Variants in TSPEAR observed in about 807,000 individuals in gnomAD.
TSPEAR encodes thrombospondin type laminin G domain and EAR repeats.
Under a neutral mutation model 71.6 loss-of-function variants are expected in TSPEAR, and 69 were observed. The ratio of observed to expected loss-of-function variants is 0.96; its 90% CI spans 0.79 to 1.18. The LOEUF (loss-of-function observed/expected upper bound fraction) is 1.18, where lower values mean the gene tolerates loss of function less well. TSPEAR is among the 50% of genes most tolerant of loss of function. TSPEAR has a pLI of 0.00. For missense variants in TSPEAR, 971 were observed against 894.9 expected, an observed-to-expected ratio of 1.09 and a Z score of -1.09; for synonymous variants, 402 against 387.2, an observed-to-expected ratio of 1.04 and a Z score of -0.45.
chr21:44,703,405 C>T, intron 1 of TSPEAR, among the ~76,000 whole-genome samples: 1 of 152,238 alleles, frequency 6.6e-6, no homozygotes, highest in East Asian at 1.9e-4. Flanking sequence ...CCAGAGGGCT[C>T]CTTGGCAGGA....
intron 1 of TSPEAR, among the ~76,000 whole-genome samples, chr21:44,683,541 T>C (rs1156569715): frequency 1.3e-5 from 2 of 152,100 alleles, no homozygotes; most frequent in Non-Finnish European, 2.9e-5. Flanking sequence ...TGGTGGTGCA[T>C]GCTTGTGGTC....
intron 1 of TSPEAR, among the ~76,000 whole-genome samples, chr21:44,661,222 G>A (rs1213190811): frequency 7.0e-6 from 1 of 142,958 alleles, no homozygotes; most frequent in Non-Finnish European, 1.5e-5. Flanking sequence ...GGAGCCTGCA[G>A]TGAGCCGAGA....
At chr21:44,539,436 CA>C in intron 2 of TSPEAR, 2 of 1,602,978 alleles carry the variant, frequency 1.2e-6, no homozygotes, top group Non-Finnish European at 8.5e-7. Context: ...GGCCGGCATA[CA>C]GGGCGGCAGA....
chr21:44,554,292 C>T (rs2053492056), intron 2 of TSPEAR, among the ~76,000 whole-genome samples: 1 of 152,178 alleles, frequency 6.6e-6, no homozygotes, highest in Non-Finnish European at 1.5e-5. Flanking sequence ...CAGAGCACCA[C>T]CATGTGGCAC....
chr21:44,630,000 A>G (rs1248214800), intron 1 of TSPEAR, among the ~76,000 whole-genome samples: 1 of 152,118 alleles, frequency 6.6e-6, no homozygotes, highest in Non-Finnish European at 1.5e-5. Context: ...AGCATCTTGC[A>G]CAGGCTTCCT....
At chr21:44,516,766 T>TA (rs1426638952) in intron 9 of TSPEAR, among the ~76,000 whole-genome samples, 1 of 152,078 alleles carries the variant, frequency 6.6e-6, no homozygotes, top group Non-Finnish European at 1.5e-5. Context: ...CTTTCATGCT[T>TA]AAAATCACAG....
chr21:44,558,604 C>T (rs587776082), intron 2 of TSPEAR: 25 of 1,610,908 alleles, frequency 1.6e-5, no homozygotes, highest in South Asian at 6.6e-5. Context: ...GGGGCCGGGG[C>T]GCAGCAGCTG....
intron 2 of TSPEAR, among the ~76,000 whole-genome samples, chr21:44,561,990 G>T (rs1343161486): frequency 6.6e-6 from 1 of 152,176 alleles, no homozygotes; most frequent in Admixed American, 6.5e-5. Flanking sequence ...GGGCAATCAG[G>T]CAATAGAAAG....
intron 1 of TSPEAR, among the ~76,000 whole-genome samples, chr21:44,650,432 C>CTGGGGCCACGTGACGATGGCGGCAGAGAT (rs1984712249): frequency 1.3e-5 from 2 of 152,004 alleles, no homozygotes; most frequent in Non-Finnish European, 2.9e-5. Flanking sequence ...GCGGCAGAGA[C>CTGGGGCCACGTGACGATGGCGGCAGAGAT]TGGGGCCACG....
At chr21:44,600,175 C>G (rs1980688759) in intron 1 of TSPEAR, among the ~76,000 whole-genome samples, 1 of 152,170 alleles carries the variant, frequency 6.6e-6, no homozygotes, top group South Asian at 2.1e-4. Flanking sequence ...CTTCTCTAGC[C>G]TGGCATTCCA....
At chr21:44,580,516 G>C in intron 1 of TSPEAR, 9 of 1,613,732 alleles carry the variant, frequency 5.6e-6, no homozygotes, top group Non-Finnish European at 7.6e-6. Context: ...TCTCTGGGCA[G>C]TCGTCCACTC....
intron 1 of TSPEAR, chr21:44,646,762 CCTGTCTGCTGCAAGA>C (rs781854516): frequency 5.7e-5 from 92 of 1,613,738 alleles, no homozygotes; most frequent in Middle Eastern, 3.3e-4. Flanking sequence ...CTGCTGTGTG[CCTGTCTGCTGCAAGA>C]CTGTCTGCTG....
At position 44,503,931 on chromosome 21, in the gene TSPEAR, G is replaced by A. The variant is rs587717652; in HGVS notation, c.1856+849C>T. ...AGGAAGCTGGCCTCGGTGAGCCCTC[G>A]GCGGGAAGCAAGGCTCTGGGAGGAG... On this transcript the variant is annotated intron_variant, in intron 11 of 11. Coordinates refer to ENST00000323084, the MANE Select transcript of TSPEAR (RefSeq NM_144991.3). 3.6e-4 allele frequency among the ~76,000 whole-genome samples: 46 copies of A among 127,388 alleles called. 1 individual carries two copies. Among genetic ancestry groups the A allele is most frequent in the East Asian group, 1.2e-3 (5 of 4,052 alleles). 83.6% of individuals were successfully genotyped at this position (127,388 alleles called of 152,430 possible).
At chr21:44,570,401 G>A (rs1053100278) in intron 1 of TSPEAR, among the ~76,000 whole-genome samples, 4 of 152,188 alleles carry the variant, frequency 2.6e-5, no homozygotes, top group Non-Finnish European at 5.9e-5. Flanking sequence ...TGCTGGGTGG[G>A]GGCCTCTGGA....
rs1047726580 is a variant in TSPEAR at position 44,520,067 on chromosome 21, G to A, written c.1566+1816C>T. 6.6e-6 allele frequency: 1 copy of A among 152,494 alleles called. No individual in the cohort carries two copies. The highest frequency in any genetic ancestry group is 1.5e-5 in the Non-Finnish European group (1 of 68,286). The allele number at this position is 152,494 out of a possible 1,614,324, so 9.4% of individuals were successfully genotyped here. A position where few individuals can be genotyped will look rare whatever the true frequency, so the allele number is the denominator to read the frequency against. On this transcript the variant is annotated intron_variant, in intron 9 of 11. Transcript: ENST00000323084. The surrounding 1 kb of genome is among the most constrained non-coding windows in gnomAD (Gnocchi z 4.2). ...TCCTGGCTCCCAGGCACGCTCACCT[G>A]TTCCATCCACAGCACTAGCGAGCTC...
intron 2 of TSPEAR, among the ~76,000 whole-genome samples, chr21:44,560,931 G>A (rs2053624634): frequency 6.6e-6 from 1 of 152,102 alleles, no homozygotes; most frequent in Non-Finnish European, 1.5e-5. Flanking sequence ...AACTAGAGAA[G>A]CAAGAGCAAA....
intron 1 of TSPEAR, chr21:44,591,193 C>A (rs233300): frequency 8.6e-7 from 1 of 1,160,534 alleles, no homozygotes; most frequent in Non-Finnish European, 1.2e-6. Context: ...TTCTGCAGAA[C>A]TTGGGTCTGG....
chr21:44,668,429 T>C (rs1283897271), intron 1 of TSPEAR, among the ~76,000 whole-genome samples: 1 of 152,252 alleles, frequency 6.6e-6, no homozygotes, highest in Middle Eastern at 3.2e-3. Context: ...CCCATGTTCA[T>C]GAATTGGAAA....
intron 1 of TSPEAR, among the ~76,000 whole-genome samples, chr21:44,684,818 C>A (rs1236288061): frequency 2.8e-4 from 42 of 152,370 alleles, no homozygotes; most frequent in Admixed American, 2.2e-3. Context: ...CATCCTCATT[C>A]TTCTGTAGTC....
Sources: allele counts gnomAD v4.1 joint callset (sites outside exome capture counted in the v4.1 genomes callset), GRCh38; gene constraint gnomAD v4.1.1; non-coding constraint Gnocchi (gnomAD v3.1); transcripts MANE v1.5; gene names NCBI Gene and HGNC (gene_info 2026-07-23, HGNC 2026-07-21).